Variants in STXBP6 observed in about 807,000 individuals in gnomAD.
STXBP6 encodes the protein syntaxin-binding protein 6.
STXBP6 carries 21 observed loss-of-function variants against 26.9 expected under a neutral mutation model. The ratio of observed to expected loss-of-function variants is 0.78; its 90% CI spans 0.55 to 1.12. STXBP6 has a LOEUF of 1.12. Among genes scored for constraint, STXBP6 ranks in the 50% most tolerant of loss-of-function variants. STXBP6 has a pLI of 0.00. For synonymous variants in STXBP6, 97 were observed against 92.6 expected (o/e 1.05, Z -0.27); for missense variants, 232 against 257.9 (o/e 0.90, Z 0.69).
intron 2 of STXBP6, among the ~76,000 whole-genome samples, chr14:24,873,685 T>G (rs1298469289): frequency 1.3e-5 from 2 of 152,206 alleles, no homozygotes; most frequent in Non-Finnish European, 2.9e-5. Flanking sequence ...TTTTTCCTCC[T>G]TAGTGTTGGA....
intron 2 of STXBP6, among the ~76,000 whole-genome samples, chr14:24,919,327 G>A (rs895674392): frequency 6.6e-6 from 1 of 151,770 alleles, no homozygotes; most frequent in African/African-American, 2.4e-5. Context: ...CTAAGAAAGG[G>A]AAAATTATCC....
chr14:25,006,879 C>A (rs1361468712), intron 1 of STXBP6, among the ~76,000 whole-genome samples: 3 of 150,936 alleles, frequency 2.0e-5, no homozygotes, highest in African/African-American at 7.4e-5. Context: ...TATTTTACTT[C>A]AAAGGCATTT....
Position 25,049,460 on chromosome 14 carries a change from G to A in STXBP6, c.-33+418C>T, listed in dbSNP as rs2075771870. 2 of 985,220 alleles carry A rather than the reference G, an allele frequency of 2.0e-6. No individual in the cohort carries two copies. The allele number at this position is 985,220 out of a possible 1,614,324, so 61.0% of individuals were successfully genotyped here. On this transcript the variant is annotated intron_variant, in intron 1 of 5. Transcript: ENST00000323944. The surrounding 1 kb of genome is among the most constrained non-coding windows in gnomAD (Gnocchi z 5.6). ...TTCGCGGATTTCTGCGCTCAAGCTA[G>A]AGGCGCAGCGACCCCGAGCTCCCCC...
intron 2 of STXBP6, among the ~76,000 whole-genome samples, chr14:24,877,073 T>C (rs1391435791): frequency 6.6e-6 from 1 of 152,332 alleles, no homozygotes; most frequent in South Asian, 2.1e-4. Flanking sequence ...CTTAAGCTTA[T>C]AGGGAATGCT....
chr14:24,919,676 G>A (rs1016983787), intron 2 of STXBP6, among the ~76,000 whole-genome samples: 2 of 151,962 alleles, frequency 1.3e-5, no homozygotes, highest in African/African-American at 2.4e-5. Flanking sequence ...CCTCACATGT[G>A]TGACTCTGCC....
intron 2 of STXBP6, among the ~76,000 whole-genome samples, chr14:24,916,348 T>G (rs59074995): frequency 6.6e-6 from 1 of 152,130 alleles, no homozygotes; most frequent in East Asian, 1.9e-4. Context: ...CATCAAAGCA[T>G]AATCACATAA....
At chr14:24,991,169 A>G (rs900872927) in intron 1 of STXBP6, among the ~76,000 whole-genome samples, 4 of 125,146 alleles carry the variant, frequency 3.2e-5, no homozygotes, top group African/African-American at 8.7e-5. Flanking sequence ...AGAAGAGCAG[A>G]GAGAGAGGAG....
At position 24,810,759 on chromosome 14, in the gene STXBP6, T is replaced by C. The variant is rs2067796366; in HGVS notation, c.*1950A>G. 6.6e-6 allele frequency: 1 copy of C among 152,188 alleles called. No individual in the cohort carries two copies. The highest frequency in any genetic ancestry group is 1.5e-5 in the Non-Finnish European group (1 of 68,040). 9.4% of individuals were successfully genotyped at this position (152,188 alleles called of 1,614,324 possible). ...AGAGAGTTGGCAACCACTTCTGTTCTTGAATTTGGCGGACTGTCAGGGGGT... is the reference window on the plus strand; with the variant it reads ...AGAGAGTTGGCAACCACTTCTGTTCCTGAATTTGGCGGACTGTCAGGGGGT... On this transcript the variant is annotated 3_prime_UTR_variant, in exon 6 of 6. Transcript: ENST00000323944.
At chr14:25,044,657 C>G (rs1460922052) in intron 1 of STXBP6, among the ~76,000 whole-genome samples, 1 of 152,138 alleles carries the variant, frequency 6.6e-6, no homozygotes, top group African/African-American at 2.4e-5. Flanking sequence ...ACTCTGTTGC[C>G]CAGGCTGGAG....
At chr14:24,974,579 G>A (rs1180574206) in intron 2 of STXBP6, 86 bp downstream of exon 2, 13 of 1,249,044 alleles carry the variant, frequency 1.0e-5, no homozygotes, top group Non-Finnish European at 1.2e-5. Context: ...TACAAAACCT[G>A]TGAATGTAAA....
chr14:24,891,364 T>C (rs1241617), intron 2 of STXBP6, among the ~76,000 whole-genome samples: 55,565 of 152,058 alleles, frequency 0.37, 10,375 homozygotes, highest in East Asian at 0.43. Context: ...GGGTTACCTA[T>C]GCCTTGAATA....
intron 1 of STXBP6, among the ~76,000 whole-genome samples, chr14:24,987,187 A>T (rs1374625430): frequency 4.6e-5 from 7 of 152,222 alleles, no homozygotes; most frequent in Admixed American, 4.6e-4. Flanking sequence ...TGTGATCGGG[A>T]TCACCATCCA....
intron 2 of STXBP6, among the ~76,000 whole-genome samples, chr14:24,939,867 T>C (rs2072740293): frequency 6.6e-6 from 1 of 152,190 alleles, no homozygotes; most frequent in African/African-American, 2.4e-5. Context: ...GGGATTGGTT[T>C]TAATTACAAG....
chr14:25,049,204 C>A lies in STXBP6; in HGVS notation c.-33+674G>T, dbSNP rs988100308. ...AGGTTGGAGGGAAAATCAAGCCACC[C>A]ACCTACTCCAGCCACGTTGCCCGGC... On this transcript the variant is annotated intron_variant, in intron 1 of 5. Transcript: ENST00000323944. The surrounding 1 kb of genome is among the most constrained non-coding windows in gnomAD (Gnocchi z 5.6). 2 of 985,322 alleles carry A rather than the reference C, an allele frequency of 2.0e-6. No homozygotes were observed. The highest frequency in any genetic ancestry group is 1.7e-5 in the African/African-American group (1 of 57,232). 61.0% of individuals were successfully genotyped at this position (985,322 alleles called of 1,614,324 possible).
chr14:24,874,497 C>T (rs2070062205), intron 2 of STXBP6, among the ~76,000 whole-genome samples: 1 of 152,038 alleles, frequency 6.6e-6, no homozygotes, highest in Non-Finnish European at 1.5e-5. Context: ...CCGTCTCAGC[C>T]ACTATCCTTG....
chr14:24,843,600 TTC>T (rs2068849614), intron 4 of STXBP6, among the ~76,000 whole-genome samples: 1 of 152,232 alleles, frequency 6.6e-6, no homozygotes, highest in African/African-American at 2.4e-5. Context: ...AGCATTAGTA[TTC>T]TGTTTAAAAA....
intron 2 of STXBP6, among the ~76,000 whole-genome samples, chr14:24,861,470 G>T (rs559562236): frequency 2.6e-5 from 4 of 152,240 alleles, no homozygotes; most frequent in Non-Finnish European, 5.9e-5. Context: ...AGGCTACGTG[G>T]CCAAGGTGAG....
intron 1 of STXBP6, among the ~76,000 whole-genome samples, chr14:24,980,816 T>C (rs1459942161): frequency 6.6e-6 from 1 of 152,120 alleles, no homozygotes; most frequent in African/African-American, 2.4e-5. Context: ...GAATAAAAAC[T>C]AAAAACATTA....
At chr14:24,933,197 C>A (rs1156473479) in intron 2 of STXBP6, among the ~76,000 whole-genome samples, 1 of 152,090 alleles carries the variant, frequency 6.6e-6, no homozygotes, top group Non-Finnish European at 1.5e-5. Context: ...AAAAAATTAG[C>A]TGGGTGCAGT....
Sources: gnomAD v4.1 joint callset for allele counts (sites outside exome capture counted in the v4.1 genomes callset) on GRCh38, gnomAD v4.1.1 for gene constraint, Gnocchi (gnomAD v3.1) non-coding constraint, MANE v1.5 for transcripts, NCBI Gene and HGNC (gene_info 2026-07-23, HGNC 2026-07-21) for gene names.